The following DIS3L variants were observed in gnomAD, a reference collection of about 807,000 sequenced individuals.
The protein encoded by DIS3L is DIS3-like exonuclease 1.
DIS3L carries 100 observed loss-of-function variants against 120.3 expected under a neutral mutation model. That is an observed-to-expected ratio of 0.83 (90% confidence interval 0.71 to 0.98). The LOEUF (loss-of-function observed/expected upper bound fraction) is 0.98. Ranked by LOEUF, DIS3L falls within the 50% of genes least tolerant of loss-of-function variation. The pLI is 0.00. For synonymous variants in DIS3L, 426 were observed against 470.6 expected (o/e 0.91, Z 1.23); for missense variants, 1,196 against 1,314.2 (o/e 0.91, Z 1.39).
At position 66,318,456 on chromosome 15, in the gene DIS3L, G is replaced by C. The variant is rs983134104; in HGVS notation, c.1002G>C (p.Val334=). 2 of 1,613,704 alleles carry C rather than the reference G, an allele frequency of 1.2e-6. No homozygotes were observed. The highest frequency in any genetic ancestry group is 1.7e-6 in the Non-Finnish European group (2 of 1,179,888). ...TGTTTTGTTTTGCCAAAGGTCGAGT[G>C]GTGGGCATACTTCAGAAGAACTGGC... is the stretch of plus-strand genomic sequence containing the variant. ...SPSEPMPTGR[V]VGILQKNWRD... Residue 334 remains valine (V), a synonymous_variant, in exon 8 of 17, where the codon GTG becomes GTC. Coordinates refer to ENST00000319212, the MANE Select transcript of DIS3L (RefSeq NM_001143688.3).
At chr15:66,322,565 T>G in intron 9 of DIS3L, 122 bp from the exon 10 acceptor site, 2 of 1,447,188 alleles carry the variant, frequency 1.4e-6, no homozygotes, top group Non-Finnish European at 1.9e-6. Flanking sequence ...CCAACATAGG[T>G]TGATGAAGAA....
chr15:66,333,402 G>T lies in DIS3L; in HGVS notation c.*90G>T. On this transcript the variant is annotated 3_prime_UTR_variant, in exon 17 of 17. Transcript: ENST00000319212. The stretch of plus-strand genomic sequence containing the variant: ...TTAATGTGTGTCACTCAGTGCTCTA[G>T]TCGATCAGGACTGGGTAGCTATTTC... 7.3e-7 allele frequency: 1 copy of T among 1,366,254 alleles called. No individual in the cohort carries two copies. Among genetic ancestry groups the T allele is most frequent in the Non-Finnish European group, 1.0e-6 (1 of 1,001,398 alleles). The allele number at this position is 1,366,254 out of a possible 1,614,324, so 84.6% of individuals were successfully genotyped here.
chr15:66,293,328 G>A (rs565223776), upstream of DIS3L: 1 of 381,724 alleles, frequency 2.6e-6, no homozygotes. Context: ...TTCTTCACCT[G>A]CCGTCCAGGT....
chr15:66,324,984 C>T (rs557887585), intron 11 of DIS3L, among the ~76,000 whole-genome samples: 1 of 152,182 alleles, frequency 6.6e-6, no homozygotes, highest in African/African-American at 2.4e-5. Flanking sequence ...GCTAATTTAT[C>T]TGTCATCAAG....
chr15:66,316,204 CCT>C (rs2092814954), intron 7 of DIS3L, among the ~76,000 whole-genome samples: 1 of 152,200 alleles, frequency 6.6e-6, no homozygotes, highest in South Asian at 2.1e-4. Flanking sequence ...CACACAGACT[CCT>C]GATTTCACCC....
chr15:66,333,278 CT>C lies in DIS3L; in HGVS notation c.3132del (p.Leu1045SerfsTer17). The C allele has an allele frequency of 6.2e-7, 1 of 1,610,296 alleles. No individual in the cohort carries two copies. Among genetic ancestry groups the C allele is most frequent in the Non-Finnish European group, 8.5e-7 (1 of 1,178,906 alleles). On this transcript the variant is annotated frameshift_variant, in exon 17 of 17. Coordinates refer to ENST00000319212, the MANE Select transcript of DIS3L (RefSeq NM_001143688.3). LOFTEE classifies it high-confidence loss of function. ...YTLLEEIRDL[A>X]LLDVSNNYGI ...CTTCTAGAGGAGATACGGGACCTAG[CT>C]CTCCTGGATGTTTCAAACAATTATG... is the stretch of plus-strand genomic sequence containing the variant.
At chr15:66,298,330 TC>T (rs879932966) in intron 2 of DIS3L, among the ~76,000 whole-genome samples, 19 of 151,822 alleles carry the variant, frequency 1.3e-4, no homozygotes, top group Non-Finnish European at 2.5e-4. Context: ...AAGAAAAAAA[TC>T]CTCCTGGATA....
intron 2 of DIS3L, among the ~76,000 whole-genome samples, chr15:66,304,601 T>C (rs888693829): frequency 6.6e-6 from 1 of 152,170 alleles, no homozygotes; most frequent in African/African-American, 2.4e-5. Flanking sequence ...AATCCCTTTG[T>C]TTATTAAGAT....
intron 5 of DIS3L, among the ~76,000 whole-genome samples, chr15:66,312,463 G>A (rs144918533): frequency 2.0e-5 from 3 of 152,146 alleles, no homozygotes; most frequent in Admixed American, 6.6e-5. Context: ...TGTGGAAGTC[G>A]CCTGGTAAAT....
At position 66,322,890 on chromosome 15, in the gene DIS3L, C is replaced by G. The variant is rs200721109; in HGVS notation, c.1530C>G (p.His510Gln). The change falls in exon 10 of 17, where the codon CAC becomes CAG. Residue 510 changes from histidine to glutamine, a missense_variant. Coordinates refer to ENST00000319212, the MANE Select transcript of DIS3L (RefSeq NM_001143688.3). ...GGGTCCACATCGCAGATGTAACACA[C>G]TTTGTGGCACCAAATTCTTACATTG... ...ELGVHIADVT[H>Q]FVAPNSYIDI... is the part of the protein sequence containing the mutation. The G allele has an allele frequency of 3.7e-6, 6 of 1,614,148 alleles. No individual in the cohort carries two copies. The highest frequency in any genetic ancestry group is 5.1e-6 in the Non-Finnish European group (6 of 1,180,028).
At chr15:66,312,034 C>T (rs2092768226) in intron 5 of DIS3L, 134 bp downstream of exon 5, 14 of 1,041,466 alleles carry the variant, frequency 1.3e-5, no homozygotes, top group Non-Finnish European at 1.8e-5. Context: ...TAGTGAAACC[C>T]TGTCTCTAGA....
rs756557285 is a variant in DIS3L at position 66,308,818 on chromosome 15, G to C, written c.532G>C (p.Glu178Gln). The change falls in exon 4 of 17, where the codon GAA (glutamate) becomes CAA (glutamine). Residue 178 changes from glutamate to glutamine, a missense_variant. Glu to Gln is a conservative substitution (Grantham distance 29). Transcript: ENST00000319212. Reference protein sequence around the residue: ...EAIQQYGSETEGVFVITFKNY... With the variant: ...EAIQQYGSETQGVFVITFKNY... The stretch of plus-strand genomic sequence containing the variant: ...AATTCAGCAGTATGGAAGTGAAACA[G>C]AAGGAGTATTCGTGATTACTTTCAA... 6.2e-7 allele frequency: 1 copy of C among 1,613,314 alleles called. No homozygotes were observed. Among genetic ancestry groups the C allele is most frequent in the Non-Finnish European group, 8.5e-7 (1 of 1,179,584 alleles).
Position 66,323,511 on chromosome 15 carries a change from A to G in DIS3L, c.1593A>G (p.Leu531=), listed in dbSNP as rs1195787856. 1.2e-6 allele frequency: 2 copies of G among 1,614,234 alleles called. No homozygotes were observed. Among genetic ancestry groups the G allele is most frequent in the South Asian group, 1.1e-5 (1 of 91,082 alleles). Residue 531 remains leucine, a synonymous_variant, in exon 11 of 17, where the codon CTA becomes CTG. Transcript: ENST00000319212. ...TTCACAGGGCCACCACTTATTATCT[A>G]GCAGATCGTCGCTATGACATGCTGC... ...EARTRATTYY[L]ADRRYDMLPS...
intron 4 of DIS3L, 69 bp from the exon 5 acceptor site, chr15:66,311,655 C>T: frequency 6.3e-7 from 1 of 1,576,884 alleles, no homozygotes; most frequent in Non-Finnish European, 8.6e-7. Flanking sequence ...TCAGGAGTTT[C>T]TGTCATAGTA....
At chr15:66,314,513 T>C (rs1265727873) in intron 6 of DIS3L, among the ~76,000 whole-genome samples, 2 of 152,204 alleles carry the variant, frequency 1.3e-5, no homozygotes, top group Non-Finnish European at 2.9e-5. Context: ...AGTTGTATCA[T>C]AATCAGGTGT....
intron 2 of DIS3L, among the ~76,000 whole-genome samples, chr15:66,297,705 T>C (rs1211792817): frequency 6.6e-6 from 1 of 152,238 alleles, no homozygotes. Context: ...TAATTCATTT[T>C]ATCCAATATG....
chr15:66,312,449 A>G lies in DIS3L; in HGVS notation c.735+549A>G, dbSNP rs912839158. ...GTTACATATTGAACATCATACAAGC[A>G]GACTGTGGAAGTCGCCTGGTAAATG... On this transcript the variant is annotated intron_variant, in intron 5 of 16. Coordinates refer to ENST00000319212, the MANE Select transcript of DIS3L (RefSeq NM_001143688.3). Among the ~76,000 whole-genome samples, 14 of 152,206 alleles carry G rather than the reference A, an allele frequency of 9.2e-5. 1 individual carries two copies. The highest frequency in any genetic ancestry group is 3.4e-4 in the African/African-American group (14 of 41,444).
At chr15:66,315,269 TG>T in intron 7 of DIS3L, 54 bp downstream of exon 7, 1 of 1,521,262 alleles carries the variant, frequency 6.6e-7, no homozygotes. Context: ...GAATTATATT[TG>T]TCTCCTCTTT....
intron 2 of DIS3L, 181 bp from the exon 3 acceptor site, chr15:66,306,643 G>A (rs932576924): frequency 1.8e-5 from 14 of 781,626 alleles, no homozygotes; most frequent in East Asian, 6.5e-5. Flanking sequence ...AGGCAAAATC[G>A]AGAAACAATA....
Sources: allele counts gnomAD v4.1 joint callset (sites outside exome capture counted in the v4.1 genomes callset), GRCh38; gene constraint gnomAD v4.1.1; transcripts MANE v1.5; gene names NCBI Gene and HGNC (gene_info 2026-07-23, HGNC 2026-07-21).